PLA2G2C: variants seen among roughly 807,000 people sequenced by gnomAD.
PLA2G2C encodes the protein phospholipase A2 group IIC.
A neutral mutation model predicts 14.3 loss-of-function variants in PLA2G2C; 15 were observed. The ratio of observed to expected loss-of-function variants is 1.05; its 90% CI spans 0.70 to 1.62. The LOEUF (loss-of-function observed/expected upper bound fraction) is 1.62, where lower values mean the gene tolerates loss of function less well. Among genes scored for constraint, PLA2G2C ranks in the 40% most tolerant of loss-of-function variants. The pLI is 0.00. For synonymous variants in PLA2G2C, 79 were observed against 67.7 expected (o/e 1.17, Z -0.82); for missense variants, 162 against 173.2 (o/e 0.94, Z 0.36).
chr1:20,175,569 A>C (rs958565174), intron 2 of PLA2G2C, among the ~76,000 whole-genome samples: 4 of 152,234 alleles, frequency 2.6e-5, no homozygotes, highest in African/African-American at 9.6e-5. Context: ...AATACTTAAG[A>C]GGCAGGAAAG....
chr1:20,181,500 A>T (rs924525978), intron 1 of PLA2G2C, among the ~76,000 whole-genome samples: 1 of 152,078 alleles, frequency 6.6e-6, no homozygotes, highest in Non-Finnish European at 1.5e-5. Flanking sequence ...GTCTGACTCC[A>T]TAGCTGGCAA....
At chr1:20,173,846 AG>A (rs2018133468) in intron 3 of PLA2G2C, among the ~76,000 whole-genome samples, 1 of 152,252 alleles carries the variant, frequency 6.6e-6, no homozygotes, top group East Asian at 1.9e-4. Context: ...GCTGTTGATC[AG>A]CTTTGGCTAA....
intron 1 of PLA2G2C, among the ~76,000 whole-genome samples, chr1:20,183,690 G>A (rs2018314346): frequency 6.6e-6 from 1 of 152,178 alleles, no homozygotes; most frequent in Non-Finnish European, 1.5e-5. Context: ...CGGAAGAGGT[G>A]GCTTTTAAGA....
chr1:20,179,469 C>A (rs918744355), intron 1 of PLA2G2C, among the ~76,000 whole-genome samples: 3 of 149,906 alleles, frequency 2.0e-5, no homozygotes, highest in Non-Finnish European at 3.0e-5. Context: ...CAGCTTCTCC[C>A]TTGCATGTCA....
intron 1 of PLA2G2C, chr1:20,185,992 G>GCGGCCCCCACC (rs1394398974): frequency 1.9e-4 from 28 of 151,088 alleles, no homozygotes; most frequent in Middle Eastern, 3.1e-3. Context: ...TCCTGGCCCA[G>GCGGCCCCCACC]CGGCCCCCAC....
intron 4 of PLA2G2C, among the ~76,000 whole-genome samples, chr1:20,164,831 C>A (rs1034764041): frequency 3.3e-5 from 5 of 152,242 alleles, no homozygotes; most frequent in African/African-American, 1.2e-4. Context: ...GCGGGTCCCG[C>A]TAATCTTCTC....
intron 4 of PLA2G2C, among the ~76,000 whole-genome samples, chr1:20,167,805 C>T (rs780427942): frequency 5.3e-5 from 8 of 152,214 alleles, no homozygotes; most frequent in Non-Finnish European, 1.2e-4. Context: ...CCTGAGGTCT[C>T]AGACCAAATG....
At chr1:20,171,295 C>G (rs75484860) in intron 4 of PLA2G2C, among the ~76,000 whole-genome samples, 6 of 152,330 alleles carry the variant, frequency 3.9e-5, no homozygotes, top group African/African-American at 7.2e-5. Context: ...AGGACCACAC[C>G]AGAGAGCTCC....
chr1:20,170,052 G>A (rs939703329), intron 4 of PLA2G2C, among the ~76,000 whole-genome samples: 7 of 152,244 alleles, frequency 4.6e-5, no homozygotes, highest in Non-Finnish European at 1.0e-4. Flanking sequence ...TTCCCTGGCT[G>A]TGTGGCCTTG....
intron 2 of PLA2G2C, among the ~76,000 whole-genome samples, chr1:20,176,138 C>T (rs953648647): frequency 4.6e-5 from 7 of 152,066 alleles, no homozygotes; most frequent in African/African-American, 1.7e-4. Context: ...AGGCTGGTCT[C>T]GAACTCCTGA....
At position 20,172,802 on chromosome 1, in the gene PLA2G2C, G is replaced by A. The variant is rs763683574; in HGVS notation, c.275C>T (p.Ala92Val). Reference protein sequence around the residue: ...NSYQFHIVNGAVVCGCTLGPG... With the variant: ...NSYQFHIVNGVVVCGCTLGPG... Reference sequence around the variant, plus strand: ...CAGAAAAGGCTACTCACAAACCACTGCGCCATTGACGATGTGGAACTGGTA... The same window carrying A: ...CAGAAAAGGCTACTCACAAACCACTACGCCATTGACGATGTGGAACTGGTA... Residue 92 changes from alanine (A) to valine (V), a missense_variant, in exon 4 of 5, where the codon GCA (alanine) becomes GTA (valine). Transcript: ENST00000679259. 24 of 1,613,374 alleles carry A rather than the reference G, an allele frequency of 1.5e-5. 1 individual carries two copies. The South Asian group carries it at 2.5e-4, about 17-fold the overall frequency.
rs960835528 is a variant in PLA2G2C, at chr1:20,186,379, C to G, written c.-96G>C. ...GCTCACCTTTACCAAAATAGGGTGA[C>G]TCCCGGGCTCTGCAGAAACCGAGGG... On this transcript the variant is annotated 5_prime_UTR_variant, in exon 1 of 5. Coordinates refer to ENST00000679259, the MANE Select transcript of PLA2G2C (RefSeq NM_001367969.2). 1 of 152,318 alleles carries G rather than the reference C, an allele frequency of 6.6e-6. No homozygotes were observed. Among genetic ancestry groups the G allele is most frequent in the Non-Finnish European group, 1.5e-5 (1 of 68,108 alleles). The allele number at this position is 152,318 out of a possible 1,614,324, so 9.4% of individuals were successfully genotyped here.
chr1:20,177,567 G>A (rs1283020444), intron 1 of PLA2G2C, 128 bp from the exon 2 acceptor site: 3 of 431,804 alleles, frequency 6.9e-6, no homozygotes, highest in Non-Finnish European at 1.2e-5. Flanking sequence ...CCCTTTGAAT[G>A]TGGTAACCTT....
chr1:20,169,195 T>C (rs1458175218), intron 4 of PLA2G2C, among the ~76,000 whole-genome samples: 1 of 152,254 alleles, frequency 6.6e-6, no homozygotes, highest in Admixed American at 6.5e-5. Flanking sequence ...CTTTTCTTTT[T>C]TGAGGTAGGG....
At chr1:20,172,934 T>G (rs771400352) in intron 3 of PLA2G2C, 37 bp from the exon 4 acceptor site, 65 of 1,522,672 alleles carry the variant, frequency 4.3e-5, no homozygotes, top group Non-Finnish European at 9.1e-7. Context: ...CTGGAGGACC[T>G]TATCTGGGGA....
Position 20,164,026 on chromosome 1 carries a change from G to A in PLA2G2C, c.415C>T (p.Gln139Ter), listed in dbSNP as rs559299192. ...YEKNFKQFSS[Q>*]PRCGRHKPWC ...GGCTTATGTCTGCCACACCTGGGCTGGCTGGAGAACTGCTTGAAGTTTTTC... is the reference window on the plus strand; with the variant it reads ...GGCTTATGTCTGCCACACCTGGGCTAGCTGGAGAACTGCTTGAAGTTTTTC... Residue 139 changes from glutamine (Q) to a stop codon, truncating the protein, a stop_gained, in exon 5 of 5, where the codon CAG becomes TAG. Coordinates refer to ENST00000679259, the MANE Select transcript of PLA2G2C (RefSeq NM_001367969.2). LOFTEE classifies it high-confidence loss of function. 74 of 1,613,418 alleles carry A rather than the reference G, an allele frequency of 4.6e-5. No homozygotes were observed. In the South Asian group the frequency reaches 6.5e-4, roughly 14 times the overall value.
intron 4 of PLA2G2C, among the ~76,000 whole-genome samples, chr1:20,170,490 C>T (rs761502947): frequency 4.6e-5 from 7 of 152,300 alleles, no homozygotes; most frequent in South Asian, 2.1e-4. Context: ...GGCACAGCAC[C>T]GGCACTGGGC....
Position 20,173,136 on chromosome 1 carries a change from G to A in PLA2G2C, c.180-239C>T, listed in dbSNP as rs980171301. ...CCAGCCTGGGCAACATAGGGAGACCGCCTATGTTTTTTAAGTTTAAAAAAA... is the reference window on the plus strand; with the variant it reads ...CCAGCCTGGGCAACATAGGGAGACCACCTATGTTTTTTAAGTTTAAAAAAA... On this transcript the variant is annotated intron_variant, in intron 3 of 4. Coordinates refer to ENST00000679259, the MANE Select transcript of PLA2G2C (RefSeq NM_001367969.2). 2.7e-5 allele frequency among the ~76,000 whole-genome samples: 4 copies of A among 148,104 alleles called. No individual in the cohort carries two copies. The South Asian group carries it at 6.6e-4, about 24-fold the overall frequency.
At chr1:20,180,473 G>A (rs1426635959) in intron 1 of PLA2G2C, among the ~76,000 whole-genome samples, 3 of 152,192 alleles carry the variant, frequency 2.0e-5, no homozygotes, top group African/African-American at 7.2e-5. Context: ...TTTGACAGAG[G>A]AGGAGACCAA....
Sources: gnomAD v4.1 joint callset for allele counts (sites outside exome capture counted in the v4.1 genomes callset) on GRCh38, gnomAD v4.1.1 for gene constraint, MANE v1.5 for transcripts, NCBI Gene and HGNC (gene_info 2026-07-23, HGNC 2026-07-21) for gene names.